CUEDC1: variants seen among roughly 807,000 people sequenced by gnomAD.
CUEDC1 encodes the protein CUE domain containing 1, also known as CUE domain-containing protein 1.
A neutral mutation model predicts 43.7 loss-of-function variants in CUEDC1; 30 were observed. That is an observed-to-expected ratio of 0.69 (90% confidence interval 0.51 to 0.93). The LOEUF is 0.93. Ranked by LOEUF, CUEDC1 falls within the 40% of genes least tolerant of loss-of-function variation. The pLI is 0.00. For missense variants in CUEDC1, 486 were observed against 549.0 expected (o/e 0.89, Z 1.15); for synonymous variants, 223 against 223.6 (o/e 1.00, Z 0.02).
chr17:57,916,222 G>C (rs2074638684), intron 1 of CUEDC1, among the ~76,000 whole-genome samples: 1 of 152,274 alleles, frequency 6.6e-6, no homozygotes, highest in South Asian at 2.1e-4. Flanking sequence ...AGAAGGCCGA[G>C]GGGGGCTGAG....
chr17:57,932,862 TA>T (rs774925074), intron 1 of CUEDC1, among the ~76,000 whole-genome samples: 303 of 141,540 alleles, frequency 2.1e-3, no homozygotes, highest in Non-Finnish European at 2.0e-3. Context: ...AACTCTGTCT[TA>T]AAAAAAAAAA....
chr17:57,867,557 G>A (rs1489964642), intron 8 of CUEDC1, 142 bp from the exon 9 acceptor site: 4 of 711,250 alleles, frequency 5.6e-6, no homozygotes, highest in Non-Finnish European at 9.8e-6. Context: ...CCTTAGTACT[G>A]TCCCCCAGGC....
chr17:57,906,725 C>A (rs750081169), intron 1 of CUEDC1, among the ~76,000 whole-genome samples: 3 of 152,102 alleles, frequency 2.0e-5, no homozygotes, highest in African/African-American at 4.8e-5. Context: ...AATCCCAGAA[C>A]CTTGGGAGGC....
chr17:57,909,324 C>A (rs1351555687), intron 1 of CUEDC1, among the ~76,000 whole-genome samples: 2 of 152,122 alleles, frequency 1.3e-5, no homozygotes, highest in Admixed American at 6.5e-5. Context: ...AAATGCAGTT[C>A]TTTGGTCATA....
chr17:57,883,510 G>A (rs1242192630), intron 2 of CUEDC1, among the ~76,000 whole-genome samples: 2 of 152,198 alleles, frequency 1.3e-5, no homozygotes, highest in African/African-American at 2.4e-5. Flanking sequence ...GATCACCTGA[G>A]GTCAGGAGTT....
chr17:57,916,581 T>C (rs1268476132), intron 1 of CUEDC1, among the ~76,000 whole-genome samples: 1 of 152,170 alleles, frequency 6.6e-6, no homozygotes, highest in Non-Finnish European at 1.5e-5. Flanking sequence ...TGATCGATGC[T>C]GGCAGACCAG....
chr17:57,944,273 C>T (rs950401688), intron 1 of CUEDC1, among the ~76,000 whole-genome samples: 4 of 147,186 alleles, frequency 2.7e-5, no homozygotes, highest in African/African-American at 5.0e-5. Flanking sequence ...TGCAATGGTG[C>T]GATCTCGGCT....
chr17:57,929,948 G>A (rs2074787917), intron 1 of CUEDC1, among the ~76,000 whole-genome samples: 1 of 152,018 alleles, frequency 6.6e-6, no homozygotes. Flanking sequence ...ATTACAGGCA[G>A]GCACCACCAC....
intron 2 of CUEDC1, among the ~76,000 whole-genome samples, chr17:57,882,526 G>C (rs2074224687): frequency 6.6e-6 from 1 of 152,206 alleles, no homozygotes; most frequent in Non-Finnish European, 1.5e-5. Flanking sequence ...GAAAGGGTCA[G>C]AGCTTGCAGA....
At chr17:57,946,774 G>T (rs76221068) in intron 1 of CUEDC1, among the ~76,000 whole-genome samples, 10,511 of 152,146 alleles carry the variant, frequency 0.069, 792 homozygotes, top group African/African-American at 0.19. Context: ...TGGGGGTTTT[G>T]TCCTTTGCAC....
At chr17:57,916,222 G>A (rs2074638684) in intron 1 of CUEDC1, among the ~76,000 whole-genome samples, 1 of 152,274 alleles carries the variant, frequency 6.6e-6, no homozygotes, top group South Asian at 2.1e-4. Flanking sequence ...AGAAGGCCGA[G>A]GGGGGCTGAG....
intron 1 of CUEDC1, among the ~76,000 whole-genome samples, chr17:57,928,546 CAAAA>C (rs11411589): frequency 1.2e-5 from 1 of 86,858 alleles, no homozygotes. Context: ...GACTCTGTCT[CAAAA>C]AAAAAAAAAA....
chr17:57,877,850 AC>A (rs2144944445), intron 3 of CUEDC1, among the ~76,000 whole-genome samples: 1 of 142,410 alleles, frequency 7.0e-6, no homozygotes, highest in Admixed American at 7.5e-5. Flanking sequence ...ATCCCAGTGC[AC>A]TCCAGCCTGG....
At chr17:57,947,252 G>A (rs2585833) in intron 1 of CUEDC1, among the ~76,000 whole-genome samples, 80,468 of 151,824 alleles carry the variant, frequency 0.53, 24,567 homozygotes, top group East Asian at 0.97. Flanking sequence ...TCTTGCCGTC[G>A]TGTTTGCTGC....
chr17:57,924,680 A>T (rs1466099633), intron 1 of CUEDC1, among the ~76,000 whole-genome samples: 2 of 152,012 alleles, frequency 1.3e-5, no homozygotes, highest in African/African-American at 4.8e-5. Context: ...AAGCTGTCAA[A>T]GGGCGCTCAA....
rs926636712 is a variant in CUEDC1 at position 57,919,910 on chromosome 17, G to T, written c.-315-34031C>A. On this transcript the variant is annotated intron_variant, in intron 1 of 10. Transcript: ENST00000577830. Reference sequence around the variant, plus strand: ...CCAACCAGCAAGCGTTTTCTGTTTGGCTTGGACAAATTGATGGTATTTGTC... The same window carrying T: ...CCAACCAGCAAGCGTTTTCTGTTTGTCTTGGACAAATTGATGGTATTTGTC... Among the ~76,000 whole-genome samples, 88 of 152,296 alleles carry T rather than the reference G, an allele frequency of 5.8e-4. 1 individual carries two copies. The highest frequency in any genetic ancestry group is 2.0e-3 in the African/African-American group (85 of 41,562).
chr17:57,942,159 C>T (rs544634262), intron 1 of CUEDC1, among the ~76,000 whole-genome samples: 31 of 152,170 alleles, frequency 2.0e-4, no homozygotes, highest in African/African-American at 6.5e-4. Flanking sequence ...CCCGGCCTCC[C>T]GGCAAACTCA....
chr17:57,878,647 A>ATTATTTATTAAT (rs2074162455), intron 3 of CUEDC1, among the ~76,000 whole-genome samples: 2 of 147,300 alleles, frequency 1.4e-5, no homozygotes, highest in Non-Finnish European at 3.0e-5. Flanking sequence ...AACTACCTTG[A>ATTATTTATTAAT]TTATTTATTT....
intron 1 of CUEDC1, among the ~76,000 whole-genome samples, chr17:57,913,005 C>T (rs754198744): frequency 2.0e-5 from 3 of 152,096 alleles, no homozygotes; most frequent in Non-Finnish European, 4.4e-5. Flanking sequence ...CCAGGACCAG[C>T]TGCTTACATT....
Sources: gnomAD v4.1 joint callset for allele counts (sites outside exome capture counted in the v4.1 genomes callset) on GRCh38, gnomAD v4.1.1 for gene constraint, MANE v1.5 for transcripts, NCBI Gene and HGNC (gene_info 2026-07-23, HGNC 2026-07-21) for gene names.